The following FBXO7 variants were observed in gnomAD, a reference collection of about 807,000 sequenced individuals.
FBXO7 encodes F-box only protein 7.
FBXO7 carries 31 observed loss-of-function variants against 50.2 expected under a neutral mutation model. The observed-to-expected ratio is 0.62, with a 90% confidence interval of 0.46 to 0.83. FBXO7 has a LOEUF of 0.83. FBXO7 is among the 40% of genes least tolerant of loss of function. FBXO7 has a pLI of 0.00. For synonymous variants in FBXO7, 256 were observed against 253.1 expected (o/e 1.01, Z -0.11); for missense variants, 667 against 646.6 (o/e 1.03, Z -0.34).
chr22:32,479,655 A>G (rs2057452139), intron 2 of FBXO7, among the ~76,000 whole-genome samples: 1 of 152,160 alleles, frequency 6.6e-6, no homozygotes, highest in African/African-American at 2.4e-5. Flanking sequence ...TCGGCCTCCC[A>G]AAGTGCTGGG....
Position 32,491,179 on chromosome 22 carries a change from A to G in FBXO7, c.965A>G (p.Gln322Arg), listed in dbSNP as rs768612089. Residue 322 changes from glutamine to arginine, a missense_variant and splice_region_variant, in exon 6 of 9, where the codon CAA becomes CGA. Gln to Arg is a conservative substitution (Grantham distance 43). Transcript: ENST00000266087. ...TATCCTCTTCTGGCTTTTACCCGAC[A>G]AGGTAAGAGATGAAATACTGTCACA... The part of the protein sequence containing the change: ...LVYPLLAFTR[Q>R]ALNLPDVFGL... The G allele has an allele frequency of 1.3e-6, 2 of 1,584,890 alleles. No homozygotes were observed. The highest frequency in any genetic ancestry group is 2.2e-5 in the South Asian group (2 of 90,408).
chr22:32,491,285 T>C, intron 6 of FBXO7, 104 bp downstream of exon 6: 2 of 816,610 alleles, frequency 2.4e-6, no homozygotes, highest in Non-Finnish European at 4.2e-6. Flanking sequence ...TTTCTGCTCC[T>C]GGCGAAATGT....
chr22:32,475,241 A>G lies in FBXO7; in HGVS notation c.122+117A>G. ...CGCGGGCGTGGCCGGGCGATAGGCCAAGTGCGGGGACGCCGGGGGGGCCTT... is the reference window on the plus strand; with the variant it reads ...CGCGGGCGTGGCCGGGCGATAGGCCGAGTGCGGGGACGCCGGGGGGGCCTT... On this transcript the variant is annotated intron_variant, in intron 1 of 8. Transcript: ENST00000266087. 2.6e-6 allele frequency: 4 copies of G among 1,534,552 alleles called. No individual in the cohort carries two copies. In the South Asian group the frequency reaches 4.9e-5, roughly 19 times the overall value.
intron 5 of FBXO7, chr22:32,488,487 T>C (rs375803065): frequency 5.2e-5 from 8 of 152,590 alleles, no homozygotes; most frequent in African/African-American, 1.7e-4. Flanking sequence ...TGACATTTTT[T>C]AAGTGCCTGT....
intron 7 of FBXO7, 53 bp downstream of exon 7, chr22:32,493,334 C>A: frequency 6.7e-7 from 1 of 1,494,918 alleles, no homozygotes; most frequent in Non-Finnish European, 9.3e-7. Context: ...GTCTTGATTA[C>A]TCAGCTCACC....
chr22:32,486,207 G>A (rs982841728), intron 4 of FBXO7, among the ~76,000 whole-genome samples: 2 of 149,328 alleles, frequency 1.3e-5, no homozygotes, highest in African/African-American at 5.0e-5. Flanking sequence ...TTGAAGTTCT[G>A]TGTAAGATTC....
At position 32,498,092 on chromosome 22, in the gene FBXO7, A is replaced by G. The variant is rs1311816672; in HGVS notation, c.1183-52A>G. ...GAAAGCAAATTAGAACTAAAGGGAA[A>G]CATCCAGATCACTTACCTTATCTTG... is the stretch of plus-strand genomic sequence containing the variant. On this transcript the variant is annotated intron_variant, in intron 8 of 8. Transcript: ENST00000266087. 6.3e-6 allele frequency: 10 copies of G among 1,586,316 alleles called. No individual in the cohort carries two copies. The East Asian group carries it at 1.8e-4, about 28-fold the overall frequency.
intron 8 of FBXO7, 73 bp from the exon 9 acceptor site, chr22:32,498,071 G>A (rs2057586968): frequency 2.0e-6 from 3 of 1,524,616 alleles, no homozygotes; most frequent in Non-Finnish European, 2.7e-6. Flanking sequence ...TACTATGAAA[G>A]CAAATTAGAA....
chr22:32,498,033 A>G (rs1289890500), intron 8 of FBXO7, 111 bp from the exon 9 acceptor site: 8 of 1,240,610 alleles, frequency 6.4e-6, no homozygotes, highest in African/African-American at 6.0e-5. Flanking sequence ...TAAATCCACA[A>G]TATGTCTGAG....
intron 1 of FBXO7, chr22:32,475,624 C>A: frequency 3.6e-6 from 2 of 549,484 alleles, no homozygotes; most frequent in Non-Finnish European, 6.2e-6. Context: ...CCGAGGCCAC[C>A]GGTAGCTTGT....
chr22:32,494,109 A>G (rs1242296422), intron 7 of FBXO7, among the ~76,000 whole-genome samples: 1 of 60,874 alleles, frequency 1.6e-5, no homozygotes, highest in South Asian at 7.9e-4. Context: ...AGCTCCCTTA[A>G]AAAAAAAAAA....
chr22:32,486,776 A>T (rs1033718925), intron 4 of FBXO7, among the ~76,000 whole-genome samples: 1 of 152,226 alleles, frequency 6.6e-6, no homozygotes, highest in Non-Finnish European at 1.5e-5. Context: ...AGCAATGTCT[A>T]TTCAGCAGTT....
rs200609519 is a variant in FBXO7, at chr22:32,483,961, C to G, written c.482C>G (p.Thr161Arg). 2.5e-5 allele frequency: 40 copies of G among 1,614,060 alleles called. No individual in the cohort carries two copies. The highest frequency in any genetic ancestry group is 3.3e-5 in the Non-Finnish European group (39 of 1,180,030). ...GATAATGCGCATATGGCAGAGGGCA[C>G]AGGTTTCTATCCCTCAGAACCCATG... ...IQDNAHMAEGTGFYPSEPMLC... is the reference protein window; with the variant it reads ...IQDNAHMAEGRGFYPSEPMLC... Residue 161 changes from threonine to arginine, a missense_variant, in exon 3 of 9, where the codon ACA becomes AGA. Thr to Arg is a moderately conservative substitution (Grantham distance 71). Transcript: ENST00000266087.
chr22:32,487,573 G>T (rs949704200), intron 4 of FBXO7, 172 bp from the exon 5 acceptor site: 1 of 583,594 alleles, frequency 1.7e-6, no homozygotes, highest in South Asian at 2.1e-5. Context: ...TGTGATGCCA[G>T]GTTTACACTT....
intron 2 of FBXO7, 44 bp downstream of exon 2, chr22:32,479,319 T>C (rs1397693626): frequency 6.3e-7 from 1 of 1,585,340 alleles, no homozygotes; most frequent in Non-Finnish European, 8.7e-7. Context: ...AGGTGATAAG[T>C]CATATTGAAC....
At chr22:32,487,944 T>C in intron 5 of FBXO7, 116 bp downstream of exon 5, 1 of 700,950 alleles carries the variant, frequency 1.4e-6, no homozygotes, top group Non-Finnish European at 2.5e-6. Flanking sequence ...TAAAGCATAT[T>C]GAAGACAATG....
chr22:32,475,868 T>A (rs950051132), intron 1 of FBXO7: 1 of 154,860 alleles, frequency 6.5e-6, no homozygotes, highest in Non-Finnish European at 1.4e-5. Context: ...GATCATATTC[T>A]GTTATTGGTT....
At chr22:32,477,790 C>A (rs918445224) in intron 1 of FBXO7, among the ~76,000 whole-genome samples, 1 of 152,196 alleles carries the variant, frequency 6.6e-6, no homozygotes, top group African/African-American at 2.4e-5. Flanking sequence ...ATCTTCCCAA[C>A]TAGTGTTTGG....
chr22:32,489,979 T>C (rs914908356), intron 5 of FBXO7: 3 of 152,232 alleles, frequency 2.0e-5, no homozygotes, highest in African/African-American at 7.2e-5. Context: ...TTGAGCCAAA[T>C]TGATTTTAAA....
Sources: gnomAD v4.1 joint callset for allele counts (sites outside exome capture counted in the v4.1 genomes callset) on GRCh38, gnomAD v4.1.1 for gene constraint, MANE v1.5 for transcripts, NCBI Gene and HGNC (gene_info 2026-07-23, HGNC 2026-07-21) for gene names.